The following RAD50 variants were observed in gnomAD, a reference collection of about 807,000 sequenced individuals.
RAD50 encodes RAD50 double strand break repair protein.
RAD50 carries 132 observed loss-of-function variants against 168.8 expected under a neutral mutation model. That is an observed-to-expected ratio of 0.78 (90% confidence interval 0.68 to 0.90). The LOEUF (loss-of-function observed/expected upper bound fraction) is 0.90. Ranked by LOEUF, RAD50 falls within the 40% of genes least tolerant of loss-of-function variation. The pLI, the probability that RAD50 is intolerant of heterozygous loss-of-function variation, is 0.00. For missense variants in RAD50, 1,347 were observed against 1,534.4 expected (o/e 0.88, Z 2.04); for synonymous variants, 525 against 497.4 (o/e 1.06, Z -0.74).
intron 5 of RAD50, among the ~76,000 whole-genome samples, chr5:132,583,511 C>A (rs781450903): frequency 5.3e-5 from 8 of 152,054 alleles, no homozygotes; most frequent in Admixed American, 5.2e-4. Context: ...CCAAAAAGTT[C>A]TCTCAAAGTC....
At chr5:132,578,196 A>G (rs1046858165) in intron 3 of RAD50, among the ~76,000 whole-genome samples, 3 of 151,358 alleles carry the variant, frequency 2.0e-5, no homozygotes, top group African/African-American at 7.3e-5. Context: ...TTTCTCTTTG[A>G]CCTCCCCCCT....
intron 13 of RAD50, among the ~76,000 whole-genome samples, chr5:132,602,723 C>CTACT (rs1310090163): frequency 6.6e-6 from 1 of 152,176 alleles, no homozygotes; most frequent in East Asian, 1.9e-4. Context: ...TGATATAATG[C>CTACT]TACTAACTAA....
intron 13 of RAD50, among the ~76,000 whole-genome samples, chr5:132,599,020 G>C (rs560022367): frequency 6.6e-6 from 1 of 152,216 alleles, no homozygotes; most frequent in South Asian, 2.1e-4. Context: ...CTAGAGACTA[G>C]GCAACCACAC....
chr5:132,606,773 G>A (rs374506283), intron 16 of RAD50, among the ~76,000 whole-genome samples: 93 of 152,178 alleles, frequency 6.1e-4, no homozygotes, highest in African/African-American at 1.9e-3. Flanking sequence ...TATCCACCAC[G>A]ATCAAGTCGG....
chr5:132,599,835 T>C (rs1009176060), intron 13 of RAD50, among the ~76,000 whole-genome samples: 2 of 152,160 alleles, frequency 1.3e-5, no homozygotes, highest in African/African-American at 2.4e-5. Flanking sequence ...CTTAACCCAT[T>C]TGGGCCTTCG....
intron 11 of RAD50, chr5:132,592,781 C>A (rs764273997): frequency 2.1e-6 from 1 of 470,134 alleles, no homozygotes; most frequent in Non-Finnish European, 4.4e-6. Flanking sequence ...CTGGTAAAGC[C>A]ACATTCCATC....
intron 17 of RAD50, 75 bp from the exon 18 acceptor site, chr5:132,609,042 C>G: frequency 6.4e-7 from 1 of 1,566,430 alleles, no homozygotes; most frequent in Admixed American, 1.9e-5. Flanking sequence ...ACTTCCCAGC[C>G]AGTGTTTTAC....
chr5:132,566,911 C>T (rs1459467006), intron 2 of RAD50, among the ~76,000 whole-genome samples: 1 of 152,204 alleles, frequency 6.6e-6, no homozygotes, highest in Non-Finnish European at 1.5e-5. Flanking sequence ...TTCCTTTAGA[C>T]TACCTTCCCT....
intron 2 of RAD50, among the ~76,000 whole-genome samples, chr5:132,570,894 C>A (rs777357851): frequency 7.2e-5 from 11 of 152,158 alleles, no homozygotes; most frequent in Non-Finnish European, 1.5e-4. Context: ...TTAATCATTT[C>A]TAGTTTTTGA....
intron 22 of RAD50, among the ~76,000 whole-genome samples, chr5:132,637,877 G>C (rs538782354): frequency 2.6e-5 from 4 of 152,138 alleles, no homozygotes; most frequent in Non-Finnish European, 4.4e-5. Flanking sequence ...TTGAGGCTGA[G>C]GAACTGGGGC....
intron 23 of RAD50, among the ~76,000 whole-genome samples, chr5:132,639,353 CA>C (rs980327824): frequency 0.011 from 898 of 82,654 alleles, 4 homozygotes; most frequent in African/African-American, 0.032. Flanking sequence ...AACTCCGTCT[CA>C]AAAAAAAAAA....
At chr5:132,578,618 C>G (rs957368253) in intron 3 of RAD50, among the ~76,000 whole-genome samples, 1 of 148,514 alleles carries the variant, frequency 6.7e-6, no homozygotes, top group African/African-American at 2.5e-5. Context: ...TGCAACCTCA[C>G]CGAGTTCAAG....
intron 24 of RAD50, 58 bp from the exon 25 acceptor site, chr5:132,642,120 A>G: frequency 6.4e-7 from 1 of 1,564,352 alleles, no homozygotes; most frequent in Non-Finnish European, 8.8e-7. Context: ...GTGACTTTTC[A>G]AATCAAAGAA....
intron 19 of RAD50, among the ~76,000 whole-genome samples, chr5:132,610,447 TAAG>T (rs773369214): frequency 1.3e-5 from 2 of 152,176 alleles, no homozygotes; most frequent in African/African-American, 4.8e-5. Flanking sequence ...AAAATCATAT[TAAG>T]AAGCCATCAT....
chr5:132,591,906 A>G lies in RAD50; in HGVS notation c.1665A>G (p.Ile555Met). The G allele has an allele frequency of 6.2e-7, 1 of 1,608,644 alleles. No homozygotes were observed. Among genetic ancestry groups the G allele is most frequent in the South Asian group, 1.1e-5 (1 of 90,812 alleles). The stretch of plus-strand genomic sequence containing the variant: ...ACAAAGATGAACAAATCAGAAAAAT[A>G]AAATCTAGGCACAGTGATGAATTAA... ...KADKDEQIRK[I>M]KSRHSDELTS... is the part of the protein sequence containing the mutation. Residue 555 changes from isoleucine (I) to methionine (M), a missense_variant, in exon 11 of 25, where the codon ATA (isoleucine) becomes ATG (methionine). Transcript: ENST00000378823.
chr5:132,570,009 A>T (rs1365200274), intron 2 of RAD50, among the ~76,000 whole-genome samples: 2 of 152,230 alleles, frequency 1.3e-5, no homozygotes, highest in Non-Finnish European at 2.9e-5. Flanking sequence ...CAATCAGTAT[A>T]ATTTGCCACA....
intron 21 of RAD50, among the ~76,000 whole-genome samples, chr5:132,625,889 T>TG (rs1251710409): frequency 6.6e-6 from 1 of 152,162 alleles, no homozygotes; most frequent in Admixed American, 6.5e-5. Flanking sequence ...AGCACTCCAT[T>TG]GTATATATGA....
chr5:132,583,925 A>C (rs1402587732), intron 5 of RAD50, among the ~76,000 whole-genome samples: 1 of 151,856 alleles, frequency 6.6e-6, no homozygotes, highest in Non-Finnish European at 1.5e-5. Flanking sequence ...TCGAACTCCC[A>C]ACCTCAGATG....
intron 23 of RAD50, among the ~76,000 whole-genome samples, chr5:132,639,072 T>C (rs1411377988): frequency 6.6e-6 from 1 of 152,188 alleles, no homozygotes; most frequent in African/African-American, 2.4e-5. Context: ...GAACATGCCA[T>C]GCAGCTGGGC....
Sources: gnomAD v4.1 joint callset for allele counts (sites outside exome capture counted in the v4.1 genomes callset) on GRCh38, gnomAD v4.1.1 for gene constraint, MANE v1.5 for transcripts, NCBI Gene and HGNC (gene_info 2026-07-23, HGNC 2026-07-21) for gene names.